The following MED16 variants were observed in gnomAD, a reference collection of about 807,000 sequenced individuals.
The protein encoded by MED16 is mediator of RNA polymerase II transcription subunit 16.
MED16 carries 81 observed loss-of-function variants against 84.4 expected under a neutral mutation model. The ratio of observed to expected loss-of-function variants is 0.96; its 90% CI spans 0.80 to 1.15. The LOEUF (loss-of-function observed/expected upper bound fraction) is 1.15. MED16 is among the 50% of genes most tolerant of loss of function. The pLI, the probability that MED16 is intolerant of heterozygous loss-of-function variation, is 0.00. For missense variants in MED16, 1,585 were observed against 1,245.9 expected, an observed-to-expected ratio of 1.27 and a Z score of -4.10; for synonymous variants, 897 against 552.2, an observed-to-expected ratio of 1.62 and a Z score of -8.76.
intron 6 of MED16, among the ~76,000 whole-genome samples, chr19:884,404 G>C (rs2036483297): frequency 6.6e-6 from 1 of 152,048 alleles, no homozygotes; most frequent in Non-Finnish European, 1.5e-5. Context: ...CCCCAGAAGA[G>C]GCTGCTGGAG....
intron 3 of MED16, 39 bp from the exon 4 acceptor site, chr19:889,846 T>C (rs1159430914): frequency 1.3e-6 from 2 of 1,579,946 alleles, no homozygotes; most frequent in Non-Finnish European, 1.7e-6. Context: ...CTTCCAGGGA[T>C]GGGCAGAGCA....
At chr19:886,303 A>AGT (rs1249316017) in intron 4 of MED16, 102 bp from the exon 5 acceptor site, 1 of 1,055,056 alleles carries the variant, frequency 9.5e-7, no homozygotes, top group African/African-American at 1.6e-5. Context: ...AGAAGCCAGG[A>AGT]GTGTGTGCAC....
chr19:873,376 G>A (rs2036144479), intron 11 of MED16, 73 bp downstream of exon 11: 3 of 1,505,098 alleles, frequency 2.0e-6, no homozygotes, highest in South Asian at 1.2e-5. Flanking sequence ...GAGGGGCAGG[G>A]GCAGGGAAGC....
intron 10 of MED16, among the ~76,000 whole-genome samples, chr19:874,419 T>C (rs1022627324): frequency 6.6e-6 from 1 of 152,096 alleles, no homozygotes; most frequent in African/African-American, 2.4e-5. Context: ...AACCCTAATT[T>C]TTAAAAGAAA....
intron 8 of MED16, among the ~76,000 whole-genome samples, 165 bp from the exon 9 acceptor site, chr19:877,345 G>A (rs955381159): frequency 2.0e-5 from 3 of 152,140 alleles, no homozygotes; most frequent in African/African-American, 7.2e-5. Flanking sequence ...GTACCTTTCT[G>A]TCAGGGTCAT....
chr19:882,442 C>T (rs144757347), intron 6 of MED16, among the ~76,000 whole-genome samples: 2 of 152,258 alleles, frequency 1.3e-5, no homozygotes, highest in East Asian at 1.9e-4. Flanking sequence ...TAGGATTGCT[C>T]GAGCCCAGGA....
Position 875,458 on chromosome 19 carries a change from A to AGGGCAGGAAGCCAGGTCACCCCAAG in MED16, c.1561-29_1561-5dup. On this transcript the variant is annotated splice_polypyrimidine_tract_variant and splice_region_variant and intron_variant, in intron 9 of 15. Coordinates refer to ENST00000325464, the MANE Select transcript of MED16 (RefSeq NM_005481.3). ...CCAGGATCCGGGTGGAGAGGACCTG[A>AGGGCAGGAAGCCAGGTCACCCCAAG]GGGCAGGAAGCCAGGTCACCCCAAG... The AGGGCAGGAAGCCAGGTCACCCCAAG allele has an allele frequency of 1.3e-6, 2 of 1,597,008 alleles. No homozygotes were observed. The highest frequency in any genetic ancestry group is 1.7e-6 in the Non-Finnish European group (2 of 1,178,360).
At chr19:879,543 C>G (rs2036362753) in intron 8 of MED16, among the ~76,000 whole-genome samples, 1 of 126,552 alleles carries the variant, frequency 7.9e-6, no homozygotes, top group Non-Finnish European at 1.6e-5. Context: ...CTACCAGGGC[C>G]ACGCCCCAGC....
At position 891,149 on chromosome 19, in the gene MED16, C is replaced by T; in HGVS notation, c.-18G>A. The T allele has an allele frequency of 6.2e-7, 1 of 1,604,964 alleles. No individual in the cohort carries two copies. The highest frequency in any genetic ancestry group is 8.5e-7 in the Non-Finnish European group (1 of 1,174,542). On this transcript the variant is annotated splice_region_variant and 5_prime_UTR_variant, in exon 2 of 16. Coordinates refer to ENST00000325464, the MANE Select transcript of MED16 (RefSeq NM_005481.3). Reference sequence around the variant, plus strand: ...TCACACATGAGGGCAGTCACCAGCTCCTGCGGGAGGGAGGTGTGGTGGGAC... The same window carrying T: ...TCACACATGAGGGCAGTCACCAGCTTCTGCGGGAGGGAGGTGTGGTGGGAC...
intron 2 of MED16, 155 bp from the exon 3 acceptor site, chr19:890,399 G>A (rs1210954360): frequency 8.8e-6 from 5 of 567,796 alleles, no homozygotes; most frequent in African/African-American, 7.6e-5. Flanking sequence ...GGAACAGGCT[G>A]TCCCCCCGCA....
intron 9 of MED16, among the ~76,000 whole-genome samples, chr19:875,911 T>C (rs2036218949): frequency 6.6e-6 from 1 of 152,106 alleles, no homozygotes; most frequent in African/African-American, 2.4e-5. Context: ...GGCTGGGAGT[T>C]GGAGAGCCTG....
At chr19:877,501 C>A (rs2036278107) in intron 8 of MED16, among the ~76,000 whole-genome samples, 1 of 150,112 alleles carries the variant, frequency 6.7e-6, no homozygotes, top group African/African-American at 2.4e-5. Context: ...TACGAAGCTC[C>A]TAATACGTGC....
Position 871,111 on chromosome 19 carries a change from G to A in MED16, c.2241C>T (p.Pro747=). Residue 747 remains proline, a synonymous_variant, in exon 13 of 16, where the codon CCC becomes CCT. Transcript: ENST00000325464. ...GCGCCCGGCCAAACTGCAGACGAAG[G>A]GGCTGCTTGGGCTGCAGGCGGCTAA... is the stretch of plus-strand genomic sequence containing the variant. ...GLVSRLQPKQ[P]LRLQFGRAPT... is the part of the protein sequence containing the mutation. 3.2e-6 allele frequency: 5 copies of A among 1,548,656 alleles called. No homozygotes were observed. The highest frequency in any genetic ancestry group is 3.9e-5 in the Admixed American group (2 of 50,970).
intron 10 of MED16, 33 bp downstream of exon 10, chr19:875,211 A>ACCT (rs1490701280): frequency 2.1e-6 from 3 of 1,399,798 alleles, no homozygotes; most frequent in Non-Finnish European, 2.9e-6. Flanking sequence ...GATGAAAGAA[A>ACCT]CCTCGAGGCC....
In MED16 at chr19:871,723, C is replaced by CG. The variant is rs893968462; in HGVS notation, c.2098+202dup. The CG allele has an allele frequency of 3.4e-4, 300 of 874,802 alleles. 2 individuals carry two copies. Among genetic ancestry groups the CG allele is most frequent in the East Asian group, 7.1e-4 (12 of 16,814 alleles). The allele number at this position is 874,802 out of a possible 1,614,324, so 54.2% of individuals were successfully genotyped here. On this transcript the variant is annotated intron_variant, in intron 12 of 15. Transcript: ENST00000325464. The stretch of plus-strand genomic sequence containing the variant: ...CCACCTGCAGGGGCTTATGTTCTGG[C>CG]GGGGGGCTCAGGCAGGACTTGTGTT...
intron 12 of MED16, 136 bp downstream of exon 12, chr19:871,774 AGGGGAGAGGGGAGAGC>A (rs2036067040): frequency 5.8e-6 from 1 of 171,604 alleles, no homozygotes; most frequent in African/African-American, 6.3e-5. Flanking sequence ...GAGCGGGGAG[AGGGGAGAGGGGAGAGC>A]GGGGAGAAGG....
intron 4 of MED16, among the ~76,000 whole-genome samples, chr19:889,335 T>A (rs1028512660): frequency 6.6e-6 from 1 of 152,016 alleles, no homozygotes; most frequent in African/African-American, 2.4e-5. Context: ...CTAAGGACAG[T>A]AGCCTCCAGT....
Position 889,696 on chromosome 19 carries a change from G to C in MED16, c.389C>G (p.Pro130Arg). 6.2e-7 allele frequency: 1 copy of C among 1,613,870 alleles called. No homozygotes were observed. Among genetic ancestry groups the C allele is most frequent in the Non-Finnish European group, 8.5e-7 (1 of 1,179,980 alleles). The change falls in exon 4 of 16, where the codon CCC becomes CGC. Residue 130 changes from proline to arginine, a missense_variant. Coordinates refer to ENST00000325464, the MANE Select transcript of MED16 (RefSeq NM_005481.3). ...SSVGSLVEGDPIVALSWLHNG... is the reference protein window; with the variant it reads ...SSVGSLVEGDRIVALSWLHNG... ...GTGCAGCCAGGACAGGGCCACAATG[G>C]GGTCCCCCTCCACTAGGCTGCCCAC...
chr19:884,363 C>A (rs1239230137), intron 6 of MED16, among the ~76,000 whole-genome samples: 1 of 151,874 alleles, frequency 6.6e-6, no homozygotes, highest in Non-Finnish European at 1.5e-5. Flanking sequence ...GTGCGGGGGG[C>A]CCATCGGGCG....
Sources: allele counts gnomAD v4.1 joint callset (sites outside exome capture counted in the v4.1 genomes callset), GRCh38; gene constraint gnomAD v4.1.1; transcripts MANE v1.5; gene names NCBI Gene and HGNC (gene_info 2026-07-23, HGNC 2026-07-21).